The following CFAP299 variants were observed in gnomAD, a reference collection of about 807,000 sequenced individuals.
CFAP299 encodes the protein cilia- and flagella-associated protein 299.
In CFAP299, 21 loss-of-function variants were observed where a neutral mutation model predicts 27.0. The observed-to-expected ratio is 0.78, with a 90% CI of 0.55 to 1.12. CFAP299 has a LOEUF of 1.12. Ranked by LOEUF, CFAP299 falls within the 50% of genes most tolerant of loss-of-function variation. CFAP299 has a pLI of 0.00. For synonymous variants in CFAP299, 104 were observed against 98.1 expected, an observed-to-expected ratio of 1.06 and a Z score of -0.36; for missense variants, 310 against 276.6, an observed-to-expected ratio of 1.12 and a Z score of -0.86.
intron 3 of CFAP299, among the ~76,000 whole-genome samples, chr4:80,689,105 T>C (rs1720453685): frequency 6.6e-6 from 1 of 152,088 alleles, no homozygotes; most frequent in African/African-American, 2.4e-5. Flanking sequence ...GGAACCAAGT[T>C]GGAAAGCACT....
intron 3 of CFAP299, among the ~76,000 whole-genome samples, chr4:80,735,783 A>C (rs1177456254): frequency 6.6e-6 from 1 of 152,154 alleles, no homozygotes; most frequent in African/African-American, 2.4e-5. Context: ...CCTGGGATAA[A>C]TCTCACTTGG....
chr4:80,400,672 T>A (rs1726106396), intron 2 of CFAP299, among the ~76,000 whole-genome samples: 1 of 152,168 alleles, frequency 6.6e-6, no homozygotes, highest in South Asian at 2.1e-4. Context: ...ATGTCTCTAT[T>A]AACAGCATGG....
At chr4:80,764,471 T>C (rs1725734592) in intron 3 of CFAP299, among the ~76,000 whole-genome samples, 2 of 151,978 alleles carry the variant, frequency 1.3e-5, no homozygotes, top group South Asian at 4.2e-4. Context: ...TGGAGAGAAA[T>C]AGGAACGCGT....
At chr4:80,577,873 A>G (rs1051482142) in intron 2 of CFAP299, among the ~76,000 whole-genome samples, 7 of 152,172 alleles carry the variant, frequency 4.6e-5, no homozygotes, top group African/African-American at 2.4e-5. Context: ...CAGTTTTCCA[A>G]TTATTTTCCT....
chr4:80,624,948 G>A (rs1005268404), intron 3 of CFAP299, among the ~76,000 whole-genome samples: 2 of 152,066 alleles, frequency 1.3e-5, no homozygotes, highest in African/African-American at 4.8e-5. Flanking sequence ...AAAGCTGAGG[G>A]AGTTCATCAC....
At chr4:80,799,448 AATAT>A (rs1171751009) in intron 3 of CFAP299, among the ~76,000 whole-genome samples, 2 of 90,978 alleles carry the variant, frequency 2.2e-5, no homozygotes, top group African/African-American at 9.2e-5. Flanking sequence ...ATATTTATAA[AATAT>A]ATATAATATA....
rs1307874816 is a variant in CFAP299 at position 80,833,940 on chromosome 4, CAA to C, written c.334-36051_334-36050del. 3.3e-5 allele frequency among the ~76,000 whole-genome samples: 5 copies of C among 152,132 alleles called. No individual in the cohort carries two copies. In the East Asian group the frequency reaches 9.6e-4, roughly 29 times the overall value. On this transcript the variant is annotated intron_variant, in intron 3 of 5. Transcript: ENST00000358105. ...GAAATGGAAGCTAAAGAGACCATTC[CAA>C]ATCACTGGCATATGACAGTAGATGG...
intron 4 of CFAP299, among the ~76,000 whole-genome samples, chr4:80,876,872 A>G (rs1000412731): frequency 9.9e-5 from 15 of 152,226 alleles, no homozygotes; most frequent in African/African-American, 3.6e-4. Context: ...ATTTTTCAGA[A>G]CTTTAAGCAA....
At chr4:80,636,273 A>G (rs1017415067) in intron 3 of CFAP299, among the ~76,000 whole-genome samples, 1 of 152,134 alleles carries the variant, frequency 6.6e-6, no homozygotes, top group Non-Finnish European at 1.5e-5. Context: ...TCTTTATTGT[A>G]TCCTCAGACC....
chr4:80,594,104 T>TGTGTAA (rs1736925819), intron 3 of CFAP299, among the ~76,000 whole-genome samples: 1 of 152,210 alleles, frequency 6.6e-6, no homozygotes, highest in African/African-American at 2.4e-5. Context: ...ATGCTAGGTA[T>TGTGTAA]ATTAGTCCAT....
chr4:80,600,638 T>G (rs1436345806), intron 3 of CFAP299, among the ~76,000 whole-genome samples: 1 of 152,156 alleles, frequency 6.6e-6, no homozygotes, highest in Non-Finnish European at 1.5e-5. Context: ...TGACAATTAT[T>G]GCATACTGTG....
At chr4:80,905,362 A>G (rs896386538) in intron 4 of CFAP299, among the ~76,000 whole-genome samples, 1 of 152,222 alleles carries the variant, frequency 6.6e-6, no homozygotes, top group Non-Finnish European at 1.5e-5. Context: ...GAGTTTGACC[A>G]TAAACATGGA....
intron 3 of CFAP299, among the ~76,000 whole-genome samples, chr4:80,816,038 C>T (rs1208159440): frequency 6.6e-6 from 1 of 151,728 alleles, no homozygotes; most frequent in East Asian, 1.9e-4. Flanking sequence ...AAAAAGAAAA[C>T]TATTACATAT....
intron 2 of CFAP299, among the ~76,000 whole-genome samples, chr4:80,454,308 G>A (rs73829290): frequency 0.093 from 14,228 of 152,172 alleles, 1,676 homozygotes; most frequent in African/African-American, 0.27. Context: ...GACAGAGGTC[G>A]CAACAATCCT....
intron 3 of CFAP299, among the ~76,000 whole-genome samples, chr4:80,823,191 A>G (rs542126103): frequency 1.3e-5 from 2 of 152,248 alleles, no homozygotes; most frequent in East Asian, 3.9e-4. Flanking sequence ...AACCTGGGAG[A>G]GAAAGAGGCT....
chr4:80,662,324 T>C (rs989601159), intron 3 of CFAP299, among the ~76,000 whole-genome samples: 2 of 152,010 alleles, frequency 1.3e-5, no homozygotes, highest in Non-Finnish European at 2.9e-5. Flanking sequence ...CTCTCTTTTG[T>C]ACTCTGTCCC....
At chr4:80,914,203 C>T (rs1735630503) in intron 4 of CFAP299, among the ~76,000 whole-genome samples, 1 of 152,076 alleles carries the variant, frequency 6.6e-6, no homozygotes, top group Non-Finnish European at 1.5e-5. Flanking sequence ...GGTTAAATAT[C>T]TATTAGTAGG....
chr4:80,390,700 T>TATGTATATATGTATACACACATAC lies in CFAP299; in HGVS notation c.242+27832_242+27855dup, dbSNP rs1560543438. On this transcript the variant is annotated intron_variant, in intron 2 of 5. Coordinates refer to ENST00000358105, the MANE Select transcript of CFAP299 (RefSeq NM_152770.3). ...ATGTATACACACATATATGTGTATATATGTATATATGTATACACACATACA... is the reference window on the plus strand; with the variant it reads ...ATGTATACACACATATATGTGTATATATGTATATATGTATACACACATACATGTATATATGTATACACACATACA... 8.2e-5 allele frequency among the ~76,000 whole-genome samples: 12 copies of TATGTATATATGTATACACACATAC among 145,860 alleles called. 1 individual carries two copies. In the East Asian group the frequency reaches 2.4e-3, roughly 29 times the overall value.
chr4:80,682,422 A>C (rs149934873), intron 3 of CFAP299, among the ~76,000 whole-genome samples: 1,968 of 152,286 alleles, frequency 0.013, 24 homozygotes, highest in Middle Eastern at 0.031. Flanking sequence ...AGGAAACAAC[A>C]GTCTTACGTG....
Sources: gnomAD v4.1 joint callset for allele counts (sites outside exome capture counted in the v4.1 genomes callset) on GRCh38, gnomAD v4.1.1 for gene constraint, MANE v1.5 for transcripts, NCBI Gene and HGNC (gene_info 2026-07-23, HGNC 2026-07-21) for gene names.